JAKMIP3: variants seen among roughly 807,000 people sequenced by gnomAD.
JAKMIP3 encodes janus kinase and microtubule-interacting protein 3.
Under a neutral mutation model 118.5 loss-of-function variants are expected in JAKMIP3, and 58 were observed. That is an observed-to-expected ratio of 0.49 (90% CI 0.40 to 0.61). JAKMIP3 has a LOEUF of 0.61. Ranked by LOEUF, JAKMIP3 falls within the 20% of genes least tolerant of loss-of-function variation. The probability of loss-of-function intolerance (pLI) is 0.00; values close to 1 mark genes in which losing one functional copy is unlikely to be tolerated. For synonymous variants in JAKMIP3, 486 were observed against 451.2 expected (o/e 1.08, Z -0.98); for missense variants, 950 against 1,109.0 (o/e 0.86, Z 2.04).
At chr10:132,071,744 A>G (rs1373000026) in intron 1 of JAKMIP3, among the ~76,000 whole-genome samples, 1 of 151,900 alleles carries the variant, frequency 6.6e-6, no homozygotes, top group East Asian at 1.9e-4. Flanking sequence ...TAACCTGTCT[A>G]TGCCTTTATA....
At chr10:132,178,325 G>C (rs911067490) in intron 23 of JAKMIP3, among the ~76,000 whole-genome samples, 1 of 152,238 alleles carries the variant, frequency 6.6e-6, no homozygotes, top group Non-Finnish European at 1.5e-5. Flanking sequence ...CCCCTCTGTA[G>C]AGTTGAGAGA....
chr10:132,095,440 C>G (rs890639736), intron 1 of JAKMIP3, among the ~76,000 whole-genome samples: 1 of 152,234 alleles, frequency 6.6e-6, no homozygotes, highest in Non-Finnish European at 1.5e-5. Flanking sequence ...GACTCAGCTC[C>G]AGGTGAGCTC....
chr10:132,041,246 A>G (rs1486974611), intron 1 of JAKMIP3, among the ~76,000 whole-genome samples: 2 of 152,182 alleles, frequency 1.3e-5, no homozygotes, highest in Non-Finnish European at 2.9e-5. Context: ...TTCTATAAAC[A>G]TTCATCACCT....
chr10:132,169,190 G>C (rs1311490941), intron 23 of JAKMIP3, among the ~76,000 whole-genome samples, 157 bp downstream of exon 23: 3 of 152,200 alleles, frequency 2.0e-5, no homozygotes, highest in Non-Finnish European at 4.4e-5. Context: ...GCCACTGACG[G>C]GACAGGGCCT....
chr10:132,120,750 C>T (rs1241071992), intron 3 of JAKMIP3, among the ~76,000 whole-genome samples: 1 of 152,178 alleles, frequency 6.6e-6, no homozygotes, highest in Admixed American at 6.5e-5. Flanking sequence ...GCCTAACTGA[C>T]AAGGGTCCCA....
At chr10:132,132,390 G>A (rs1001478160) in intron 3 of JAKMIP3, among the ~76,000 whole-genome samples, 1 of 152,222 alleles carries the variant, frequency 6.6e-6, no homozygotes, top group Non-Finnish European at 1.5e-5. Flanking sequence ...TGCCGAGCGT[G>A]TCTGTCTGAA....
At chr10:132,114,210 G>A (rs1238291747) in intron 2 of JAKMIP3, among the ~76,000 whole-genome samples, 1 of 152,212 alleles carries the variant, frequency 6.6e-6, no homozygotes, top group Non-Finnish European at 1.5e-5. Context: ...TGTGCAGCAT[G>A]GCACAAGTTT....
chr10:132,159,643 GGGGCCTCTCCCTGTGT>G, intron 19 of JAKMIP3, among the ~76,000 whole-genome samples: 1 of 83,944 alleles, frequency 1.2e-5, no homozygotes, highest in East Asian at 3.6e-4. Context: ...GTGATGCTGG[GGGGCCTCTCCCTGTGT>G]GATGCTGGGG....
chr10:132,122,698 G>C (rs961753553), intron 3 of JAKMIP3, among the ~76,000 whole-genome samples: 1 of 152,216 alleles, frequency 6.6e-6, no homozygotes, highest in Non-Finnish European at 1.5e-5. Context: ...GGGGATGTGG[G>C]AGCCAACAGA....
At chr10:132,091,288 A>G (rs1210044756) in intron 1 of JAKMIP3, among the ~76,000 whole-genome samples, 2 of 152,188 alleles carry the variant, frequency 1.3e-5, no homozygotes, top group African/African-American at 2.4e-5. Context: ...GTAGATGTCT[A>G]TTAGGTCTGC....
intron 19 of JAKMIP3, among the ~76,000 whole-genome samples, chr10:132,160,534 C>T (rs373804031): frequency 4.0e-4 from 5 of 12,476 alleles, no homozygotes; most frequent in Admixed American, 1.9e-3. Flanking sequence ...GGGGGCCTCT[C>T]CCTGTGTGAT....
intron 1 of JAKMIP3, among the ~76,000 whole-genome samples, chr10:132,094,969 G>A (rs2134519590): frequency 6.6e-6 from 1 of 152,196 alleles, no homozygotes; most frequent in East Asian, 1.9e-4. Flanking sequence ...CGAGAATTAT[G>A]GCTGCCTCTG....
At chr10:132,058,595 G>A (rs911858362) in intron 1 of JAKMIP3, among the ~76,000 whole-genome samples, 3 of 152,198 alleles carry the variant, frequency 2.0e-5, no homozygotes, top group African/African-American at 7.2e-5. Flanking sequence ...CTCATTTGCC[G>A]TGGGCAGCTG....
chr10:132,084,805 T>C (rs571031725), intron 1 of JAKMIP3, among the ~76,000 whole-genome samples: 1 of 152,338 alleles, frequency 6.6e-6, no homozygotes, highest in African/African-American at 2.4e-5. Context: ...TTTTGTCTAA[T>C]GCTTTTTCTG....
chr10:132,159,756 T>G (rs1183262581), intron 19 of JAKMIP3, among the ~76,000 whole-genome samples: 1 of 22,732 alleles, frequency 4.4e-5, no homozygotes, highest in Non-Finnish European at 7.3e-5. Context: ...GGGGGCCTCT[T>G]CCTGTGTGAT....
upstream of JAKMIP3, among the ~76,000 whole-genome samples, chr10:132,036,579 G>A (rs1355434608): frequency 6.6e-6 from 1 of 151,684 alleles, no homozygotes; most frequent in Non-Finnish European, 1.5e-5. Flanking sequence ...GCCGAGCAAG[G>A]AGCGCGGCCG....
chr10:132,121,156 A>C (rs1165347579), intron 3 of JAKMIP3, among the ~76,000 whole-genome samples: 2 of 152,220 alleles, frequency 1.3e-5, no homozygotes, highest in African/African-American at 4.8e-5. Context: ...CCCTGCCCCA[A>C]GTGTCAGCAG....
intron 6 of JAKMIP3, 26 bp from the exon 7 acceptor site, chr10:132,136,993 G>T (rs1383291810): frequency 6.2e-7 from 1 of 1,608,186 alleles, no homozygotes; most frequent in Non-Finnish European, 8.5e-7. Context: ...TCCCCAACTT[G>T]TGATGTGGGC....
intron 9 of JAKMIP3, among the ~76,000 whole-genome samples, chr10:132,139,120 ATC>A (rs1268619742): frequency 1.1e-4 from 15 of 136,150 alleles, no homozygotes; most frequent in Admixed American, 7.2e-5. Flanking sequence ...GTGTGTATGC[ATC>A]TGTGTGTGTG....
Sources: allele counts gnomAD v4.1 joint callset (sites outside exome capture counted in the v4.1 genomes callset), GRCh38; gene constraint gnomAD v4.1.1; transcripts MANE v1.5; gene names NCBI Gene and HGNC (gene_info 2026-07-23, HGNC 2026-07-21).